MYO16: variants seen among roughly 807,000 people sequenced by gnomAD.
The protein encoded by MYO16 is myosin XVI, also known as unconventional myosin-XVI.
In MYO16, 94 loss-of-function variants were observed where a neutral mutation model predicts 205.3. That is an observed-to-expected ratio of 0.46 (90% confidence interval 0.39 to 0.54). The LOEUF is 0.54. MYO16 is among the 20% of genes least tolerant of loss of function. The probability of loss-of-function intolerance (pLI) is 0.00; values close to 1 mark genes in which losing one functional copy is unlikely to be tolerated. For synonymous variants in MYO16, 988 were observed against 954.0 expected, an observed-to-expected ratio of 1.04 and a Z score of -0.66; for missense variants, 2,315 against 2,387.5, an observed-to-expected ratio of 0.97 and a Z score of 0.63.
At chr13:108,657,234 A>G (rs185309218) in intron 1 of MYO16, among the ~76,000 whole-genome samples, 3 of 152,292 alleles carry the variant, frequency 2.0e-5, no homozygotes, top group East Asian at 1.9e-4. Context: ...TCTGTCACCA[A>G]TCAGGTGGCT....
At chr13:109,108,657 A>G (rs1889194734) in intron 28 of MYO16, among the ~76,000 whole-genome samples, 1 of 152,164 alleles carries the variant, frequency 6.6e-6, no homozygotes, top group Non-Finnish European at 1.5e-5. Flanking sequence ...ATAAATAATC[A>G]CAGGTTAGGA....
chr13:108,710,609 G>A (rs1022441941), intron 2 of MYO16, among the ~76,000 whole-genome samples: 4 of 152,174 alleles, frequency 2.6e-5, no homozygotes, highest in African/African-American at 9.7e-5. Context: ...CATGAAATGA[G>A]TACAACTGTC....
chr13:108,866,999 T>C (rs1290836387), intron 12 of MYO16, among the ~76,000 whole-genome samples: 1 of 151,702 alleles, frequency 6.6e-6, no homozygotes, highest in Non-Finnish European at 1.5e-5. Context: ...ACAGAAATAG[T>C]TCATGAGAAC....
chr13:109,178,758 G>T (rs1450713015), intron 33 of MYO16, among the ~76,000 whole-genome samples: 1 of 152,116 alleles, frequency 6.6e-6, no homozygotes, highest in Non-Finnish European at 1.5e-5. Flanking sequence ...CACAAATGGG[G>T]GTGCTGCTGG....
chr13:108,769,801 G>A (rs140578657), intron 4 of MYO16, among the ~76,000 whole-genome samples: 17 of 152,202 alleles, frequency 1.1e-4, no homozygotes, highest in African/African-American at 3.4e-4. Context: ...CTTATCTGGG[G>A]CTAAGTAACT....
At chr13:109,152,885 C>T (rs186145597) in intron 32 of MYO16, among the ~76,000 whole-genome samples, 230 of 152,260 alleles carry the variant, frequency 1.5e-3, no homozygotes, top group Admixed American at 5.8e-3. Context: ...TCACTAAATA[C>T]GAAGGGCACA....
At chr13:108,901,811 A>T (rs1027606541) in intron 15 of MYO16, among the ~76,000 whole-genome samples, 1 of 152,210 alleles carries the variant, frequency 6.6e-6, no homozygotes, top group Non-Finnish European at 1.5e-5. Flanking sequence ...CTGCTATAAA[A>T]CAAAGTAACA....
rs201121389 is a variant in MYO16 at position 108,866,340 on chromosome 13, T to TA, written c.1425+104dup. On this transcript the variant is annotated intron_variant, in intron 12 of 34. Transcript: ENST00000457511. Reference sequence around the variant, plus strand: ...TGACTAAAAAAAACAGGCAAACTTCTAAAAAACATTTTTAAATTCTGAATT... The same window carrying TA: ...TGACTAAAAAAAACAGGCAAACTTCTAAAAAAACATTTTTAAATTCTGAATT... 4.7e-4 allele frequency: 329 copies of TA among 695,536 alleles called. 4 individuals are homozygous for TA. In the East Asian group the frequency reaches 7.7e-3, roughly 16 times the overall value. The allele number at this position is 695,536 out of a possible 1,614,324, so 43.1% of individuals were successfully genotyped here. A position where few individuals can be genotyped will look rare whatever the true frequency, so the allele number is the denominator to read the frequency against.
intron 4 of MYO16, among the ~76,000 whole-genome samples, chr13:108,752,218 A>G (rs1885258581): frequency 6.6e-6 from 1 of 152,198 alleles, no homozygotes; most frequent in South Asian, 2.1e-4. Flanking sequence ...ACATAATTTT[A>G]TGTTTCAGGA....
chr13:108,945,986 A>G (rs960410855), intron 16 of MYO16, among the ~76,000 whole-genome samples: 3 of 152,152 alleles, frequency 2.0e-5, no homozygotes, highest in Admixed American at 6.6e-5. Context: ...TGAGCTGTGT[A>G]CCTGGAAGGT....
chr13:108,969,676 C>T (rs1217765295), intron 20 of MYO16, among the ~76,000 whole-genome samples: 1 of 152,238 alleles, frequency 6.6e-6, no homozygotes, highest in Non-Finnish European at 1.5e-5. Flanking sequence ...GCTTCTTTTA[C>T]AGTGTTAGCA....
chr13:108,602,123 C>T (rs939609468), intron 1 of MYO16, among the ~76,000 whole-genome samples: 1 of 133,048 alleles, frequency 7.5e-6, no homozygotes, highest in African/African-American at 2.7e-5. Flanking sequence ...AAAAAAAAAA[C>T]AGCCCAGGAA....
the MYO16 span, among the ~76,000 whole-genome samples, chr13:108,587,233 G>A: frequency 6.6e-6 from 1 of 152,218 alleles, no homozygotes; most frequent in Admixed American, 6.5e-5. Flanking sequence ...GACCATGACT[G>A]TGAGGAGTCT....
chr13:108,737,911 A>G (rs1272755206), intron 4 of MYO16, among the ~76,000 whole-genome samples: 1 of 152,124 alleles, frequency 6.6e-6, no homozygotes, highest in Non-Finnish European at 1.5e-5. Context: ...TAGATTTTCT[A>G]GTTTATTTGT....
chr13:108,757,846 T>A (rs1024331517), intron 4 of MYO16, among the ~76,000 whole-genome samples: 1 of 152,214 alleles, frequency 6.6e-6, no homozygotes, highest in Non-Finnish European at 1.5e-5. Context: ...TGTAGCTACT[T>A]CATATGAGGG....
At chr13:108,707,086 G>A (rs1195714377) in intron 2 of MYO16, among the ~76,000 whole-genome samples, 1 of 152,114 alleles carries the variant, frequency 6.6e-6, no homozygotes, top group Admixed American at 6.6e-5. Context: ...CAAATCAGAA[G>A]CAATCACATA....
At chr13:108,833,008 T>C (rs999600612) in intron 9 of MYO16, among the ~76,000 whole-genome samples, 1 of 152,146 alleles carries the variant, frequency 6.6e-6, no homozygotes, top group Non-Finnish European at 1.5e-5. Flanking sequence ...GGAGCATTCC[T>C]AGCAAAGCTA....
chr13:108,641,868 C>A (rs1880518367), intron 1 of MYO16, among the ~76,000 whole-genome samples: 2 of 152,196 alleles, frequency 1.3e-5, no homozygotes, highest in African/African-American at 4.8e-5. Flanking sequence ...TTCAGTAAAT[C>A]ATGGCCTGGC....
intron 22 of MYO16, among the ~76,000 whole-genome samples, chr13:109,016,467 T>C (rs1304879876): frequency 6.6e-6 from 1 of 152,242 alleles, no homozygotes; most frequent in East Asian, 1.9e-4. Context: ...GTTCTGTAGA[T>C]GTCTATTAGT....
Sources: gnomAD v4.1 joint callset for allele counts (sites outside exome capture counted in the v4.1 genomes callset) on GRCh38, gnomAD v4.1.1 for gene constraint, MANE v1.5 for transcripts, NCBI Gene and HGNC (gene_info 2026-07-23, HGNC 2026-07-21) for gene names.